CRADD: variants seen among roughly 807,000 people sequenced by gnomAD.
The protein encoded by CRADD is CARD and death domain containing adaptor protein, also known as death domain-containing protein CRADD.
A neutral mutation model predicts 15.5 loss-of-function variants in CRADD; 9 were observed. That is an observed-to-expected ratio of 0.58 (90% CI 0.35 to 1.01). CRADD has a LOEUF of 1.01. Ranked by LOEUF, CRADD falls within the 50% of genes least tolerant of loss-of-function variation. The pLI is 0.02. For missense variants in CRADD, 227 were observed against 250.3 expected (o/e 0.91, Z 0.63); for synonymous variants, 118 against 107.6 (o/e 1.10, Z -0.60).
intron 2 of CRADD, among the ~76,000 whole-genome samples, chr12:93,857,130 T>C (rs1470699629): frequency 6.9e-6 from 1 of 144,286 alleles, no homozygotes; most frequent in Non-Finnish European, 1.5e-5. Flanking sequence ...TTTGAGCACT[T>C]AAAAAGTAAA....
At chr12:93,700,077 G>A (rs1238479859) in intron 2 of CRADD, among the ~76,000 whole-genome samples, 1 of 152,206 alleles carries the variant, frequency 6.6e-6, no homozygotes. Flanking sequence ...AGCCAGTCCA[G>A]ATGGAGGAGA....
chr12:93,823,867 T>G (rs564669246), intron 2 of CRADD, among the ~76,000 whole-genome samples: 2 of 152,254 alleles, frequency 1.3e-5, no homozygotes, highest in East Asian at 3.9e-4. Context: ...TAGAAGGAAC[T>G]CGAATCATTA....
intron 2 of CRADD, among the ~76,000 whole-genome samples, chr12:93,889,959 C>G (rs1669761566): frequency 6.6e-6 from 1 of 152,204 alleles, no homozygotes; most frequent in Non-Finnish European, 1.5e-5. Flanking sequence ...AAGACCTGCC[C>G]TAACAAAAGT....
At chr12:93,795,714 T>G (rs1957407489) in intron 2 of CRADD, among the ~76,000 whole-genome samples, 1 of 152,230 alleles carries the variant, frequency 6.6e-6, no homozygotes, top group Non-Finnish European at 1.5e-5. Flanking sequence ...TCTTTTCCTG[T>G]GGAAAACAAC....
intron 2 of CRADD, among the ~76,000 whole-genome samples, chr12:93,860,277 A>C (rs1245223398): frequency 6.6e-6 from 1 of 152,228 alleles, no homozygotes; most frequent in Non-Finnish European, 1.5e-5. Context: ...TGTCTGACCA[A>C]AGCTAAACAA....
At chr12:93,701,245 C>T (rs913187234) in intron 2 of CRADD, among the ~76,000 whole-genome samples, 1 of 151,830 alleles carries the variant, frequency 6.6e-6, no homozygotes, top group African/African-American at 2.4e-5. Flanking sequence ...TTTCCCTTCT[C>T]CTCCTCTTCC....
chr12:93,749,963 G>C (rs1482942923), intron 2 of CRADD, among the ~76,000 whole-genome samples: 2 of 152,162 alleles, frequency 1.3e-5, no homozygotes, highest in African/African-American at 4.8e-5. Context: ...GGACATGTTT[G>C]TTACATGAAT....
chr12:93,799,047 G>C (rs567852208), intron 2 of CRADD, among the ~76,000 whole-genome samples: 1 of 152,126 alleles, frequency 6.6e-6, no homozygotes, highest in Admixed American at 6.5e-5. Context: ...GGGAAGAGGG[G>C]GAGGGGAGAA....
At chr12:93,725,919 TGAACTTTTCCAAG>T (rs1956356115) in intron 2 of CRADD, among the ~76,000 whole-genome samples, 3 of 152,090 alleles carry the variant, frequency 2.0e-5, no homozygotes, top group African/African-American at 7.2e-5. Flanking sequence ...CTCAGACACA[TGAACTTTTCCAAG>T]GTCTCAAAGC....
chr12:93,891,342 C>T (rs1429122253), intron 2 of CRADD, among the ~76,000 whole-genome samples: 2 of 151,976 alleles, frequency 1.3e-5, no homozygotes, highest in Non-Finnish European at 2.9e-5. Context: ...CAAAAATTAG[C>T]CGGGCATGGT....
chr12:93,775,549 T>G (rs146037743), intron 2 of CRADD, among the ~76,000 whole-genome samples: 2 of 148,134 alleles, frequency 1.4e-5, no homozygotes, highest in Non-Finnish European at 3.0e-5. Context: ...GGTTACTCTA[T>G]AGTCTGGTGT....
chr12:93,696,207 T>G (rs778496854), intron 2 of CRADD, among the ~76,000 whole-genome samples: 5 of 152,118 alleles, frequency 3.3e-5, no homozygotes, highest in Non-Finnish European at 7.4e-5. Context: ...AAAATAGAAC[T>G]CTGTGTCTTA....
chr12:93,836,738 T>C (rs902919420), intron 2 of CRADD, among the ~76,000 whole-genome samples: 8 of 152,262 alleles, frequency 5.3e-5, no homozygotes, highest in African/African-American at 1.9e-4. Context: ...TTTTCATTCA[T>C]TCACTCATCC....
At chr12:93,692,943 A>G (rs79257557) in intron 2 of CRADD, among the ~76,000 whole-genome samples, 1 of 152,206 alleles carries the variant, frequency 6.6e-6, no homozygotes, top group Non-Finnish European at 1.5e-5. Flanking sequence ...TGTGCCATCA[A>G]AAACTAAAAT....
chr12:93,844,818 A>G (rs1272009064), intron 2 of CRADD, among the ~76,000 whole-genome samples: 1 of 152,154 alleles, frequency 6.6e-6, no homozygotes, highest in Non-Finnish European at 1.5e-5. Flanking sequence ...AACCACTTTG[A>G]AAAGTGGCAG....
At chr12:93,807,657 A>G (rs1040968083) in intron 2 of CRADD, among the ~76,000 whole-genome samples, 3 of 152,136 alleles carry the variant, frequency 2.0e-5, no homozygotes, top group African/African-American at 7.2e-5. Context: ...TGAGAGGTAG[A>G]GATAAATGCT....
chr12:93,834,611 C>G (rs879769252), intron 2 of CRADD, among the ~76,000 whole-genome samples: 1 of 152,152 alleles, frequency 6.6e-6, no homozygotes, highest in Non-Finnish European at 1.5e-5. Context: ...GCTTCAGCCT[C>G]CCAAGTAGCT....
At chr12:93,738,196 G>A (rs1217344625) in intron 2 of CRADD, 3 of 605,810 alleles carry the variant, frequency 5.0e-6, no homozygotes, top group Non-Finnish European at 5.9e-6. Context: ...CTCATTTTTT[G>A]CAGGGTTAGA....
chr12:93,762,644 C>T (rs1038835920), intron 2 of CRADD, among the ~76,000 whole-genome samples: 3 of 152,234 alleles, frequency 2.0e-5, no homozygotes, highest in Middle Eastern at 3.4e-3. Flanking sequence ...AACATATGCT[C>T]AAGTTAAAAA....
Sources: allele counts gnomAD v4.1 joint callset (sites outside exome capture counted in the v4.1 genomes callset), GRCh38; gene constraint gnomAD v4.1.1; transcripts MANE v1.5; gene names NCBI Gene and HGNC (gene_info 2026-07-23, HGNC 2026-07-21).